KIAA0232: variants seen among roughly 807,000 people sequenced by gnomAD.
The protein encoded by KIAA0232 is KIAA0232, also known as uncharacterized protein KIAA0232.
A neutral mutation model predicts 122.0 loss-of-function variants in KIAA0232; 27 were observed. That is an observed-to-expected ratio of 0.22 (90% CI 0.16 to 0.31). The LOEUF (loss-of-function observed/expected upper bound fraction) is 0.31, where lower values mean the gene tolerates loss of function less well. Among genes scored for constraint, KIAA0232 ranks in the 10% least tolerant of loss-of-function variants. The pLI is 1.00. For missense variants in KIAA0232, 1,551 were observed against 1,634.2 expected (o/e 0.95, Z 0.88); for synonymous variants, 613 against 587.6 (o/e 1.04, Z -0.63).
At chr4:6,797,538 G>A (rs1006130600) in intron 1 of KIAA0232, among the ~76,000 whole-genome samples, 1 of 152,102 alleles carries the variant, frequency 6.6e-6, no homozygotes, top group African/African-American at 2.4e-5. Flanking sequence ...GGGAGGCCAA[G>A]GCAGGAGGAT....
chr4:6,874,490 G>T (rs1560212199), intron 8 of KIAA0232, among the ~76,000 whole-genome samples: 1 of 152,192 alleles, frequency 6.6e-6, no homozygotes, highest in African/African-American at 2.4e-5. Context: ...TGTGCACCAG[G>T]AGTGCCGTCC....
intron 1 of KIAA0232, among the ~76,000 whole-genome samples, chr4:6,790,887 A>G (rs1056797624): frequency 2.1e-5 from 3 of 139,930 alleles, no homozygotes; most frequent in Admixed American, 2.1e-4. Context: ...TGCCAGTACC[A>G]TCTGAAGGAG....
intron 2 of KIAA0232, among the ~76,000 whole-genome samples, chr4:6,810,025 A>G (rs115876795): frequency 0.011 from 1,635 of 152,332 alleles, 32 homozygotes; most frequent in African/African-American, 0.037. Flanking sequence ...TACAGATTCA[A>G]TGTAACCCCT....
At chr4:6,791,417 C>T (rs904182457) in intron 1 of KIAA0232, among the ~76,000 whole-genome samples, 2 of 149,038 alleles carry the variant, frequency 1.3e-5, no homozygotes, top group South Asian at 2.1e-4. Context: ...CCTTGGCCAC[C>T]TCCCAGGCTC....
At position 6,883,801 on chromosome 4, in the gene KIAA0232, ACT is replaced by A. The variant is rs1461067735; in HGVS notation, c.*2838_*2839del. Reference sequence around the variant, plus strand: ...AGGAAAACTCATATGTCCTTCTGTCACTCTGAGACATACACTGGTAACATCTG... The same window carrying A: ...AGGAAAACTCATATGTCCTTCTGTCACTGAGACATACACTGGTAACATCTG... On this transcript the variant is annotated 3_prime_UTR_variant, in exon 10 of 10. Transcript: ENST00000307659. 6.6e-6 allele frequency: 1 copy of A among 152,200 alleles called. No individual in the cohort carries two copies. The highest frequency in any genetic ancestry group is 1.5e-5 in the Non-Finnish European group (1 of 68,030). The allele number at this position is 152,200 out of a possible 1,614,324, so 9.4% of individuals were successfully genotyped here. A position where few individuals can be genotyped will look rare whatever the true frequency, so the allele number is the denominator to read the frequency against.
chr4:6,846,400 C>T (rs185993100), intron 4 of KIAA0232, among the ~76,000 whole-genome samples: 78 of 152,238 alleles, frequency 5.1e-4, no homozygotes, highest in South Asian at 1.9e-3. Flanking sequence ...CAAGCTTTAC[C>T]GCCTGAGCTC....
At position 6,873,647 on chromosome 4, in the gene KIAA0232, T is replaced by C. The variant is rs532431441; in HGVS notation, c.3910+1965T>C. 2.7e-5 allele frequency among the ~76,000 whole-genome samples: 4 copies of C among 148,120 alleles called. No individual in the cohort carries two copies. The South Asian group carries it at 8.3e-4, about 31-fold the overall frequency. ...TTAGTAAAGAATCCAGTTTCACCTC[T>C]TAGCTCTAGGTTCCTGGTTATCTGT... On this transcript the variant is annotated intron_variant, in intron 8 of 9. Coordinates refer to ENST00000307659, the MANE Select transcript of KIAA0232 (RefSeq NM_014743.3).
intron 9 of KIAA0232, among the ~76,000 whole-genome samples, chr4:6,878,007 G>A (rs959534159): frequency 2.0e-5 from 3 of 152,078 alleles, no homozygotes; most frequent in Non-Finnish European, 4.4e-5. Flanking sequence ...TCATACAACC[G>A]GAAAAGCACC....
chr4:6,804,929 C>CAATG (rs750380413), intron 2 of KIAA0232, among the ~76,000 whole-genome samples: 228 of 147,924 alleles, frequency 1.5e-3, no homozygotes, highest in African/African-American at 5.6e-3. Flanking sequence ...CAAAACGGGT[C>CAATG]AATGAATGAA....
At chr4:6,838,537 TTC>T (rs907829435) in intron 3 of KIAA0232, among the ~76,000 whole-genome samples, 1 of 152,128 alleles carries the variant, frequency 6.6e-6, no homozygotes, top group African/African-American at 2.4e-5. Flanking sequence ...ACTGGGAGTA[TTC>T]TAGGTCTGAC....
intron 2 of KIAA0232, among the ~76,000 whole-genome samples, chr4:6,821,510 A>G (rs930522701): frequency 2.0e-5 from 3 of 152,118 alleles, no homozygotes; most frequent in Admixed American, 2.0e-4. Context: ...CACTTAGAAT[A>G]ATGGTCTCTG....
chr4:6,864,109 T>A lies in KIAA0232; in HGVS notation c.3727T>A (p.Phe1243Ile). 4 of 1,614,014 alleles carry A rather than the reference T, an allele frequency of 2.5e-6. No individual in the cohort carries two copies. The highest frequency in any genetic ancestry group is 3.4e-6 in the Non-Finnish European group (4 of 1,179,990). ...ACAATGCGAGGAAGAAATTAATAAT[T>A]TTTGTGGTTGCAAAGCAGGTTGTCA... ...MAQCEEEINN[F>I]CGCKAGCQFP... The change falls in exon 7 of 10, where the codon TTT becomes ATT. Residue 1243 changes from phenylalanine (F) to isoleucine (I), a missense_variant. Around this residue, in one of 5 missense-constraint regions of KIAA0232, gnomAD observed 1,108 missense variants for 1,154.8 expected, o/e 0.96. Transcript: ENST00000307659.
chr4:6,824,730 A>G (rs901118767), intron 3 of KIAA0232, 46 bp downstream of exon 3: 9 of 1,496,782 alleles, frequency 6.0e-6, no homozygotes, highest in Non-Finnish European at 8.3e-6. Context: ...TTGTATCTGT[A>G]TGTATACATT....
chr4:6,821,298 T>A (rs920440324), intron 2 of KIAA0232, among the ~76,000 whole-genome samples: 1 of 152,156 alleles, frequency 6.6e-6, no homozygotes. Context: ...TGGTGATTTC[T>A]GAGATTTTGG....
At chr4:6,805,692 A>G (rs1375578768) in intron 2 of KIAA0232, among the ~76,000 whole-genome samples, 1 of 152,232 alleles carries the variant, frequency 6.6e-6, no homozygotes, top group African/African-American at 2.4e-5. Flanking sequence ...ATTTTGGTAC[A>G]CTATGATATA....
At chr4:6,837,624 A>G (rs376453618) in intron 3 of KIAA0232, among the ~76,000 whole-genome samples, 1 of 152,210 alleles carries the variant, frequency 6.6e-6, no homozygotes, top group East Asian at 1.9e-4. Context: ...CCTGGGCAAC[A>G]TTGAGCACTG....
In KIAA0232 at chr4:6,861,293, G is replaced by A. The variant is rs1346471946; in HGVS notation, c.911G>A (p.Gly304Glu). 6.2e-7 allele frequency: 1 copy of A among 1,614,138 alleles called. No homozygotes were observed. The highest frequency in any genetic ancestry group is 1.7e-5 in the Admixed American group (1 of 59,998). Residue 304 changes from glycine (G) to glutamate (E), a missense_variant, in exon 7 of 10, where the codon GGA becomes GAA. Around this residue, in one of 5 missense-constraint regions of KIAA0232, gnomAD observed 377 missense variants for 381.7 expected, o/e 0.99. Coordinates refer to ENST00000307659, the MANE Select transcript of KIAA0232 (RefSeq NM_014743.3). Reference protein sequence around the residue: ...EAGSSSSGNQGELKASMKYVK... With the variant: ...EAGSSSSGNQEELKASMKYVK... ...GGCTCAAGTTCCAGTGGGAATCAGG[G>A]AGAATTAAAAGCATCCATGAAGTAT...
In KIAA0232 at chr4:6,861,533, A is replaced by G. The variant is rs377057913; in HGVS notation, c.1151A>G (p.Lys384Arg). The G allele has an allele frequency of 1.4e-5, 22 of 1,614,018 alleles. No individual in the cohort carries two copies. The highest frequency in any genetic ancestry group is 3.3e-4 in the Middle Eastern group (2 of 6,084). Residue 384 changes from lysine to arginine, a missense_variant, in exon 7 of 10, where the codon AAA (lysine) becomes AGA (arginine). Lys to Arg is a conservative substitution (Grantham distance 26). Around this residue, in one of 5 missense-constraint regions of KIAA0232, gnomAD observed 377 missense variants for 381.7 expected, o/e 0.99. Transcript: ENST00000307659. ...GRKDPGSTEG[K>R]DLYMENRKDT... Reference sequence around the variant, plus strand: ...AAAGATCCTGGGAGCACTGAAGGAAAAGACCTGTACATGGAGAATAGAAAG... The same window carrying G: ...AAAGATCCTGGGAGCACTGAAGGAAGAGACCTGTACATGGAGAATAGAAAG...
chr4:6,810,733 C>G (rs192499781), intron 2 of KIAA0232, among the ~76,000 whole-genome samples: 3 of 152,196 alleles, frequency 2.0e-5, no homozygotes, highest in Admixed American at 2.0e-4. Flanking sequence ...ACTTCAACAA[C>G]AGCAAAAACA....
Sources: allele counts gnomAD v4.1 joint callset (sites outside exome capture counted in the v4.1 genomes callset), GRCh38; gene constraint gnomAD v4.1.1; regional missense constraint gnomAD v4.1.1; transcripts MANE v1.5; gene names NCBI Gene and HGNC (gene_info 2026-07-23, HGNC 2026-07-21).